The following A2M variants were observed in gnomAD, a reference collection of about 807,000 sequenced individuals.
A2M encodes alpha-2-macroglobulin, also known as C3 and PZP-like alpha-2-macroglobulin domain-containing protein 5.
In A2M, 128 loss-of-function variants were observed where a neutral mutation model predicts 183.9. The ratio of observed to expected loss-of-function variants is 0.70; its 90% CI spans 0.60 to 0.81. The LOEUF is 0.81. A2M is among the 30% of genes least tolerant of loss of function. The probability of loss-of-function intolerance (pLI) is 0.00; values close to 1 mark genes in which losing one functional copy is unlikely to be tolerated. For missense variants in A2M, 1,495 were observed against 1,787.6 expected (o/e 0.84, Z 2.95); for synonymous variants, 592 against 670.8 (o/e 0.88, Z 1.81).
intron 4 of A2M, chr12:9,111,382 T>TAGATCTC: frequency 2.8e-6 from 1 of 360,086 alleles, no homozygotes; most frequent in Admixed American, 3.3e-5. Context: ...GTGATGGGTG[T>TAGATCTC]GGTGCCTCAT....
In A2M at chr12:9,090,352, T is replaced by A; in HGVS notation, c.2596+4A>T. 1 of 1,614,002 alleles carries A rather than the reference T, an allele frequency of 6.2e-7. No individual in the cohort carries two copies. The highest frequency in any genetic ancestry group is 8.5e-7 in the Non-Finnish European group (1 of 1,179,866). On this transcript the variant is annotated splice_donor_region_variant and intron_variant, in intron 20 of 35. Coordinates refer to ENST00000318602, the MANE Select transcript of A2M (RefSeq NM_000014.6). ...AGAATTATCTCTAGCAGTTTTTTGCTCACCTAATGACTTTGGGGTTACTGC... is the reference window on the plus strand; with the variant it reads ...AGAATTATCTCTAGCAGTTTTTTGCACACCTAATGACTTTGGGGTTACTGC...
At chr12:9,078,529 G>A (rs1335440127) in intron 25 of A2M, among the ~76,000 whole-genome samples, 1 of 152,198 alleles carries the variant, frequency 6.6e-6, no homozygotes. Context: ...ATAGTAGAAT[G>A]ATTTATATTC....
At chr12:9,113,318 A>T in intron 2 of A2M, 42 bp downstream of exon 2, 1 of 1,601,884 alleles carries the variant, frequency 6.2e-7, no homozygotes, top group Non-Finnish European at 8.5e-7. Context: ...TATGACCCTG[A>T]CTAAAAGAAC....
At chr12:9,086,039 G>C (rs755119604) in intron 22 of A2M, among the ~76,000 whole-genome samples, 2 of 152,200 alleles carry the variant, frequency 1.3e-5, no homozygotes, top group South Asian at 2.1e-4. Context: ...ATAACTGTTG[G>C]CTTCACTGCT....
rs2137668093 is a variant in A2M, at chr12:9,074,791, A to G, written c.3533-8T>C. On this transcript the variant is annotated splice_region_variant and splice_polypyrimidine_tract_variant and intron_variant, in intron 28 of 35. Coordinates refer to ENST00000318602, the MANE Select transcript of A2M (RefSeq NM_000014.6). ...CCCAATGGACAGAGTTGTCTTAAAG[A>G]TGAGAAAAAGATATTTATAAGTGCC... 1 of 1,600,912 alleles carries G rather than the reference A, an allele frequency of 6.2e-7. No individual in the cohort carries two copies. Among genetic ancestry groups the G allele is most frequent in the Non-Finnish European group, 8.5e-7 (1 of 1,173,642 alleles).
At chr12:9,098,294 C>A (rs933951403) in intron 15 of A2M, 1 of 158,900 alleles carries the variant, frequency 6.3e-6, no homozygotes, top group African/African-American at 2.4e-5. Flanking sequence ...TGCTCTTGAG[C>A]AAGAAGCTTA....
At chr12:9,110,134 A>T in intron 5 of A2M, 99 bp from the exon 6 acceptor site, 1 of 1,311,898 alleles carries the variant, frequency 7.6e-7, no homozygotes. Context: ...AAAAAGGTCA[A>T]ATGGGGTAGT....
chr12:9,072,254 A>T, intron 31 of A2M, 105 bp downstream of exon 31: 1 of 1,338,396 alleles, frequency 7.5e-7, no homozygotes, highest in Non-Finnish European at 1.0e-6. Context: ...ATTTTTTGTG[A>T]ATAGTGCAAA....
At chr12:9,081,783 T>A (rs2137719113) in intron 22 of A2M, among the ~76,000 whole-genome samples, 1 of 152,184 alleles carries the variant, frequency 6.6e-6, no homozygotes, top group Non-Finnish European at 1.5e-5. Context: ...CCCACTCTGG[T>A]CTCATTTCAC....
At chr12:9,085,671 A>G (rs1316340350) in intron 22 of A2M, among the ~76,000 whole-genome samples, 2 of 152,070 alleles carry the variant, frequency 1.3e-5, no homozygotes, top group Non-Finnish European at 2.9e-5. Flanking sequence ...GCAGAAATAA[A>G]TCAAATAGAG....
chr12:9,081,722 C>T (rs543488374), intron 22 of A2M, among the ~76,000 whole-genome samples: 9 of 152,084 alleles, frequency 5.9e-5, no homozygotes, highest in Non-Finnish European at 1.0e-4. Context: ...GGGAAGAGAA[C>T]CAGGGGTAGA....
intron 10 of A2M, among the ~76,000 whole-genome samples, chr12:9,105,483 C>T (rs1565600563): frequency 6.6e-6 from 1 of 152,190 alleles, no homozygotes; most frequent in Non-Finnish European, 1.5e-5. Flanking sequence ...GCCTCTTTTA[C>T]ACCCTTCATA....
chr12:9,111,968 A>G, intron 4 of A2M, 191 bp downstream of exon 4: 1 of 757,954 alleles, frequency 1.3e-6, no homozygotes, highest in Middle Eastern at 2.3e-4. Flanking sequence ...ACCAGCACCA[A>G]GACAGAAAGA....
intron 13 of A2M, 78 bp downstream of exon 13, chr12:9,101,066 A>G (rs1937800743): frequency 6.0e-6 from 8 of 1,328,264 alleles, no homozygotes; most frequent in Admixed American, 2.3e-5. Flanking sequence ...AAAAAGGGAA[A>G]GTATTCTGAT....
In A2M at chr12:9,068,244, C is replaced by G; in HGVS notation, c.4367-20G>C. On this transcript the variant is annotated intron_variant, in intron 34 of 35. Coordinates refer to ENST00000318602, the MANE Select transcript of A2M (RefSeq NM_000014.6). ...ACTCATCTGAAAAAAAAAAAACCAA[C>G]AAAAAACCAGAAATCATTACATGAA... 1 of 1,591,468 alleles carries G rather than the reference C, an allele frequency of 6.3e-7. No homozygotes were observed. The highest frequency in any genetic ancestry group is 1.1e-5 in the South Asian group (1 of 88,430).
intron 8 of A2M, among the ~76,000 whole-genome samples, chr12:9,107,116 C>T (rs995047026): frequency 2.0e-5 from 3 of 152,156 alleles, no homozygotes; most frequent in African/African-American, 7.2e-5. Flanking sequence ...TAATATTCAG[C>T]TGTGGCTGGG....
Position 9,079,689 on chromosome 12 carries a change from T to A in A2M, c.2981A>T (p.Gln994Leu). 1 of 1,613,788 alleles carries A rather than the reference T, an allele frequency of 6.2e-7. No individual in the cohort carries two copies. Among genetic ancestry groups the A allele is most frequent in the African/African-American group, 1.3e-5 (1 of 75,050 alleles). ...GGACTTGATCTCTGGAGTAAGCTGC[T>A]GTGTTTCATTTAGATAATCCAGTAC... Reference protein sequence around the residue: ...IYVLDYLNETQQLTPEIKSKA... With the variant: ...IYVLDYLNETLQLTPEIKSKA... The change falls in exon 24 of 36, where the codon CAG becomes CTG. Residue 994 changes from glutamine (Q) to leucine (L), a missense_variant. Transcript: ENST00000318602.
intron 30 of A2M, 65 bp downstream of exon 30, chr12:9,072,588 G>C: frequency 4.4e-6 from 7 of 1,598,654 alleles, no homozygotes; most frequent in Non-Finnish European, 6.0e-6. Flanking sequence ...TTCTGAGTTA[G>C]GACTTCTCAG....
At position 9,110,053 on chromosome 12, in the gene A2M, T is replaced by A; in HGVS notation, c.505-18A>T. On this transcript the variant is annotated intron_variant, in intron 5 of 35. Transcript: ENST00000318602. The stretch of plus-strand genomic sequence containing the variant: ...TTGGGATCCTATATGAGTAAATTAA[T>A]TATAACTTACAAAAGCACCTGGAGC... The A allele has an allele frequency of 6.3e-7, 1 of 1,591,490 alleles. No individual in the cohort carries two copies. Among genetic ancestry groups the A allele is most frequent in the Non-Finnish European group, 8.5e-7 (1 of 1,171,078 alleles).
Sources: gnomAD v4.1 joint callset for allele counts (sites outside exome capture counted in the v4.1 genomes callset) on GRCh38, gnomAD v4.1.1 for gene constraint, MANE v1.5 for transcripts, NCBI Gene and HGNC (gene_info 2026-07-23, HGNC 2026-07-21) for gene names.